MYO5C: variants seen among roughly 807,000 people sequenced by gnomAD.
MYO5C encodes the protein myosin VC, also known as unconventional myosin-Vc.
A neutral mutation model predicts 235.7 loss-of-function variants in MYO5C; 194 were observed. That is an observed-to-expected ratio of 0.82 (90% confidence interval 0.73 to 0.93). The LOEUF is 0.93. Among genes scored for constraint, MYO5C ranks in the 40% least tolerant of loss-of-function variants. The pLI, the probability that MYO5C is intolerant of heterozygous loss-of-function variation, is 0.00. For synonymous variants in MYO5C, 707 were observed against 754.8 expected, an observed-to-expected ratio of 0.94 and a Z score of 1.04; for missense variants, 2,038 against 2,127.2, an observed-to-expected ratio of 0.96 and a Z score of 0.82.
chr15:52,259,990 A>G (rs74555702), intron 10 of MYO5C, among the ~76,000 whole-genome samples: 3,023 of 152,334 alleles, frequency 0.02, 111 homozygotes, highest in South Asian at 0.15. Context: ...GATGCCTTTC[A>G]TGGGTCAATC....
Position 52,269,863 on chromosome 15 carries a change from G to C in MYO5C, c.833-3C>G. 1 of 1,596,560 alleles carries C rather than the reference G, an allele frequency of 6.3e-7. No homozygotes were observed. The highest frequency in any genetic ancestry group is 1.1e-5 in the South Asian group (1 of 90,446). On this transcript the variant is annotated splice_polypyrimidine_tract_variant and splice_region_variant and intron_variant, in intron 7 of 40. Coordinates refer to ENST00000261839, the MANE Select transcript of MYO5C (RefSeq NM_018728.4). The stretch of plus-strand genomic sequence containing the variant: ...ATAATTAAATTCTTCGGCACTCCCT[G>C]AAATCAAAAAGTAAGATTTGTTATG...
At chr15:52,206,783 T>C (rs914247774) in intron 36 of MYO5C, among the ~76,000 whole-genome samples, 1 of 152,148 alleles carries the variant, frequency 6.6e-6, no homozygotes, top group African/African-American at 2.4e-5. Flanking sequence ...CTGAGTGAAC[T>C]AATGGAATAT....
At chr15:52,285,461 G>GTCTCCCTCC (rs1195543942) in intron 1 of MYO5C, among the ~76,000 whole-genome samples, 19 of 114,052 alleles carry the variant, frequency 1.7e-4, no homozygotes, top group East Asian at 2.3e-4. Flanking sequence ...TCCCTCTCCC[G>GTCTCCCTCC]TCTCCCTCCT....
At chr15:52,279,072 A>ATT in intron 3 of MYO5C, 55 bp from the exon 4 acceptor site, 1 of 1,491,442 alleles carries the variant, frequency 6.7e-7, no homozygotes, top group Non-Finnish European at 9.1e-7. Flanking sequence ...CTGCATCTCC[A>ATT]GTTTTTTTTT....
chr15:52,269,231 G>A (rs1344355294), intron 8 of MYO5C, among the ~76,000 whole-genome samples: 1 of 152,158 alleles, frequency 6.6e-6, no homozygotes, highest in African/African-American at 2.4e-5. Flanking sequence ...GAGCCAGGAA[G>A]GCTGAGGAAA....
In MYO5C at chr15:52,217,589, T is replaced by C. The variant is rs180899689; in HGVS notation, c.3954+930A>G. ...AGGATTCCAGTCTCTGAGAAAGTTG[T>C]ATCCACCTCAGAAAAGGCAGCTGTC... On this transcript the variant is annotated intron_variant, in intron 32 of 40. Transcript: ENST00000261839. Among the ~76,000 whole-genome samples the C allele has an allele frequency of 2.0e-5, 3 of 152,346 alleles. No individual in the cohort carries two copies. The East Asian group carries it at 5.8e-4, about 29-fold the overall frequency.
chr15:52,284,241 C>A (rs2037217436), intron 1 of MYO5C, among the ~76,000 whole-genome samples: 1 of 150,988 alleles, frequency 6.6e-6, no homozygotes. Flanking sequence ...AATACCCATA[C>A]AATGAAATAC....
At chr15:52,202,862 T>G (rs190696325) in intron 38 of MYO5C, among the ~76,000 whole-genome samples, 56 of 152,222 alleles carry the variant, frequency 3.7e-4, no homozygotes, top group Admixed American at 9.2e-4. Flanking sequence ...GATACTCAAT[T>G]TTTAAAAAAT....
rs767692060 is a variant in MYO5C at position 52,244,556 on chromosome 15, C to G, written c.2190G>C (p.Gln730His). The change falls in exon 19 of 41, where the codon CAG becomes CAC. Residue 730 changes from glutamine to histidine, a missense_variant. Coordinates refer to ENST00000261839, the MANE Select transcript of MYO5C (RefSeq NM_018728.4). ...VLHRLIQDSN[Q>H]YQFGKTKIFF... ...AAATTTTGGTTTTACCAAACTGGTA[C>G]TGATTAGAATCCTGGAAGAGAAAAA... 2 of 1,608,794 alleles carry G rather than the reference C, an allele frequency of 1.2e-6. No individual in the cohort carries two copies. Among genetic ancestry groups the G allele is most frequent in the Admixed American group, 1.7e-5 (1 of 59,824 alleles).
intron 13 of MYO5C, 101 bp from the exon 14 acceptor site, chr15:52,248,884 T>C: frequency 1.2e-6 from 1 of 815,160 alleles, no homozygotes; most frequent in East Asian, 2.6e-5. Flanking sequence ...TAAAAAAGGC[T>C]ACAGAGGCAA....
intron 9 of MYO5C, 72 bp downstream of exon 9, chr15:52,264,118 G>T: frequency 8.4e-7 from 1 of 1,190,202 alleles, no homozygotes; most frequent in Non-Finnish European, 1.2e-6. Context: ...AAAAAGCAAA[G>T]GCAGGTCAGC....
intron 14 of MYO5C, among the ~76,000 whole-genome samples, chr15:52,248,058 T>C (rs537649762): frequency 4.1e-4 from 62 of 152,246 alleles, no homozygotes; most frequent in Non-Finnish European, 7.2e-4. Flanking sequence ...TTGTACCTCA[T>C]TTAAAGCACT....
chr15:52,256,072 A>G (rs1178612821), intron 11 of MYO5C, among the ~76,000 whole-genome samples: 1 of 152,260 alleles, frequency 6.6e-6, no homozygotes, highest in Admixed American at 6.5e-5. Flanking sequence ...TGAGAGAGAC[A>G]AAGAATGCCA....
chr15:52,229,514 C>T (rs1365099942), intron 24 of MYO5C, among the ~76,000 whole-genome samples: 2 of 152,102 alleles, frequency 1.3e-5, no homozygotes, highest in Non-Finnish European at 2.9e-5. Context: ...GTCCCAGCTA[C>T]CCAGGAGGCT....
rs756830987 is a variant in MYO5C, at chr15:52,295,631, C to T, written c.6G>A (p.Ala2=). 8.1e-6 allele frequency: 12 copies of T among 1,481,866 alleles called. No individual in the cohort carries two copies. The South Asian group carries it at 1.6e-4, about 19-fold the overall frequency. 91.8% of individuals were successfully genotyped at this position (1,481,866 alleles called of 1,614,324 possible). A position where few individuals can be genotyped will look rare whatever the true frequency, so the allele number is the denominator to read the frequency against. Residue 2 remains alanine (A), a synonymous_variant, in exon 1 of 41, where the codon GCG becomes GCA. Transcript: ENST00000261839. ...CTACCTGCGTGTACAGCTCGGCCAC[C>T]GCCATGGGCAGGAGGGGCCGGGGCC... M[A]VAELYTQYNR... is the part of the protein sequence containing the mutation.
chr15:52,242,981 G>T (rs1336126995), intron 19 of MYO5C: 4 of 152,164 alleles, frequency 2.6e-5, no homozygotes, highest in Admixed American at 1.3e-4. Context: ...CGTCAATGAG[G>T]TTAGAAAAAT....
At chr15:52,269,696 T>C in intron 8 of MYO5C, 57 bp downstream of exon 8, 1 of 1,002,002 alleles carries the variant, frequency 1.0e-6, no homozygotes, top group East Asian at 2.9e-5. Context: ...TGGCCTTAAT[T>C]TTTTTTTTTT....
At position 52,235,663 on chromosome 15, in the gene MYO5C, G is replaced by C; in HGVS notation, c.2962+7C>G. On this transcript the variant is annotated splice_region_variant and intron_variant, in intron 23 of 40. Coordinates refer to ENST00000261839, the MANE Select transcript of MYO5C (RefSeq NM_018728.4). ...GAATGTCTGGATTTGTGCCCCCCAA[G>C]CTTTACCTTTTAACTCTTCAGTCTT... 1 of 1,603,164 alleles carries C rather than the reference G, an allele frequency of 6.2e-7. No individual in the cohort carries two copies.
At chr15:52,223,481 G>C (rs4405492) in intron 29 of MYO5C, 63 bp downstream of exon 29, 7 of 1,452,154 alleles carry the variant, frequency 4.8e-6, no homozygotes, top group Non-Finnish European at 5.6e-6. Flanking sequence ...TGAATTTGAC[G>C]CCACTGACAA....
Sources: allele counts gnomAD v4.1 joint callset (sites outside exome capture counted in the v4.1 genomes callset), GRCh38; gene constraint gnomAD v4.1.1; transcripts MANE v1.5; gene names NCBI Gene and HGNC (gene_info 2026-07-23, HGNC 2026-07-21).